Variants in CR1 observed in about 807,000 individuals in gnomAD.
CR1 encodes the protein complement receptor type 1.
CR1 carries 116 observed loss-of-function variants against 187.3 expected under a neutral mutation model. The observed-to-expected ratio is 0.62, with a 90% CI of 0.53 to 0.72. The LOEUF (loss-of-function observed/expected upper bound fraction) is 0.72, where lower values mean the gene tolerates loss of function less well. Among genes scored for constraint, CR1 ranks in the 30% least tolerant of loss-of-function variants. CR1 has a pLI of 0.00. For missense variants in CR1, 1,731 were observed against 2,110.7 expected (o/e 0.82, Z 3.52); for synonymous variants, 576 against 747.1 (o/e 0.77, Z 3.73).
chr1:207,620,503 C>A (rs1306568601), intron 43 of CR1, among the ~76,000 whole-genome samples: 1 of 152,164 alleles, frequency 6.6e-6, no homozygotes, highest in African/African-American at 2.4e-5. Flanking sequence ...AGAAGAGTAG[C>A]CCTCTGCTGG....
Position 207,580,513 on chromosome 1 carries a change from A to C in CR1, c.5116A>C (p.Lys1706Gln). ...WSPEAPRCAV[K>Q]SCDDFLGQLP... Reference sequence around the variant, plus strand: ...TTTTTTTTTTTTTCTTCTTCTAGTGAAATCCTGTGATGACTTCTTGGGTCA... The same window carrying C: ...TTTTTTTTTTTTTCTTCTTCTAGTGCAATCCTGTGATGACTTCTTGGGTCA... The change falls in exon 31 of 47, where the codon AAA becomes CAA. Residue 1706 changes from lysine to glutamine, a missense_variant and splice_region_variant. Physicochemically the swap from Lys to Gln is moderately conservative, Grantham distance 53. Transcript: ENST00000367049. The C allele has an allele frequency of 6.3e-7, 1 of 1,597,296 alleles. No homozygotes were observed. The highest frequency in any genetic ancestry group is 8.5e-7 in the Non-Finnish European group (1 of 1,175,316).
chr1:207,607,383 C>A, intron 36 of CR1, 47 bp downstream of exon 36: 1 of 1,412,348 alleles, frequency 7.1e-7, no homozygotes, highest in Non-Finnish European at 1.0e-6. Flanking sequence ...GTGATCCTGA[C>A]TTGCCCCTGG....
chr1:207,499,905 G>T (rs2102329696), intron 1 of CR1, among the ~76,000 whole-genome samples: 1 of 152,306 alleles, frequency 6.6e-6, no homozygotes, highest in South Asian at 2.1e-4. Context: ...ACACAGAAAT[G>T]CTGGGTGAAG....
At chr1:207,509,157 T>C (rs561178355) in intron 3 of CR1, among the ~76,000 whole-genome samples, 86 of 152,154 alleles carry the variant, frequency 5.7e-4, no homozygotes, top group Non-Finnish European at 1.0e-3. Flanking sequence ...AGAAGGAAAA[T>C]GGAAATGGGA....
chr1:207,588,844 G>C (rs1661187820), intron 35 of CR1, 70 bp downstream of exon 35: 2 of 1,072,798 alleles, frequency 1.9e-6, no homozygotes. Context: ...CCCAGTCTCA[G>C]ATAGACAAAC....
chr1:207,501,515 A>G (rs1025568914), intron 1 of CR1, among the ~76,000 whole-genome samples: 24 of 152,228 alleles, frequency 1.6e-4, no homozygotes, highest in Non-Finnish European at 3.4e-4. Flanking sequence ...TTGGTAATAA[A>G]GGAGAGAAAG....
chr1:207,517,230 T>C (rs772975276), intron 4 of CR1, among the ~76,000 whole-genome samples: 22 of 152,102 alleles, frequency 1.4e-4, no homozygotes, highest in Non-Finnish European at 2.6e-4. Context: ...AGAATAAACC[T>C]ATGTTGCTTG....
chr1:207,587,654 T>C lies in CR1; in HGVS notation c.5710+89T>C, dbSNP rs1661152878. The C allele has an allele frequency of 7.7e-6, 10 of 1,291,412 alleles. No homozygotes were observed. The South Asian group carries it at 9.6e-5, about 12-fold the overall frequency. The allele number at this position is 1,291,412 out of a possible 1,614,324, so 80.0% of individuals were successfully genotyped here. On this transcript the variant is annotated intron_variant, in intron 34 of 46. Coordinates refer to ENST00000367049, the MANE Select transcript of CR1 (RefSeq NM_000651.6). ...TGGCTCACGCCTGTAATCCCATCAC[T>C]TTGGGAGGCCAAGGCTGGCAGATAG...
intron 39 of CR1, among the ~76,000 whole-genome samples, chr1:207,612,865 A>G (rs934374083): frequency 1.3e-5 from 2 of 152,228 alleles, no homozygotes. Context: ...AGGGGTGCCC[A>G]TGACCCCAAA....
intron 1 of CR1, among the ~76,000 whole-genome samples, chr1:207,499,918 C>T (rs764271147): frequency 6.6e-6 from 1 of 152,056 alleles, no homozygotes; most frequent in Non-Finnish European, 1.5e-5. Flanking sequence ...GGGTGAAGAT[C>T]CCAGTAATAA....
Position 207,587,548 on chromosome 1 carries a change from T to C in CR1, c.5693T>C (p.Val1898Ala). ...SCLENLVWSS[V>A]EDNCRRKSCG... is the part of the protein sequence containing the mutation. ...CTAGAAAACTTGGTCTGGTCAAGTG[T>C]TGAAGACAACTGTAGACGTGAGTAA... The change falls in exon 34 of 47, where the codon GTT becomes GCT. Residue 1898 changes from valine (V) to alanine (A), a missense_variant. Physicochemically the swap from Val to Ala is moderately conservative, Grantham distance 64 (BLOSUM62 0). Around this residue, in one of 5 missense-constraint regions of CR1, gnomAD observed 1,312 missense variants for 1,379.6 expected, o/e 0.95. Transcript: ENST00000367049. 6.2e-7 allele frequency: 1 copy of C among 1,613,776 alleles called. No homozygotes were observed. The highest frequency in any genetic ancestry group is 8.5e-7 in the Non-Finnish European group (1 of 1,179,722).
chr1:207,580,464 G>A, intron 30 of CR1, 47 bp from the exon 31 acceptor site: 3 of 1,605,516 alleles, frequency 1.9e-6, no homozygotes, highest in South Asian at 2.2e-5. Context: ...CCCCACACAT[G>A]GAGGTCTTAC....
chr1:207,576,437 G>A (rs1467230824), intron 28 of CR1, among the ~76,000 whole-genome samples: 1 of 152,158 alleles, frequency 6.6e-6, no homozygotes, highest in African/African-American at 2.4e-5. Context: ...GAATCTGTAA[G>A]TATCATGTTT....
chr1:207,619,239 C>T (rs1366256868), intron 42 of CR1, among the ~76,000 whole-genome samples: 1 of 150,946 alleles, frequency 6.6e-6, no homozygotes, highest in Non-Finnish European at 1.5e-5. Flanking sequence ...AAAAATTAAT[C>T]AGGCATGGTG....
At position 207,564,173 on chromosome 1, in the gene CR1, C is replaced by G; in HGVS notation, c.3805C>G (p.Arg1269Gly). Reference protein sequence around the residue: ...DDFMGQLLNGRVLFPVNLQLG... With the variant: ...DDFMGQLLNGGVLFPVNLQLG... Reference sequence around the variant, plus strand: ...CTTCATGGGCCAACTTCTTAATGGCCGTGTGCTATTTCCAGTAAATCTCCA... The same window carrying G: ...CTTCATGGGCCAACTTCTTAATGGCGGTGTGCTATTTCCAGTAAATCTCCA... The change falls in exon 23 of 47, where the codon CGT (arginine) becomes GGT (glycine). Residue 1269 changes from arginine to glycine, a missense_variant. Physicochemically the swap from Arg to Gly is moderately radical, Grantham distance 125. Transcript: ENST00000367049. 1 of 1,586,124 alleles carries G rather than the reference C, an allele frequency of 6.3e-7. No individual in the cohort carries two copies. Among genetic ancestry groups the G allele is most frequent in the Non-Finnish European group, 8.5e-7 (1 of 1,171,130 alleles).
intron 45 of CR1, 70 bp from the exon 46 acceptor site, chr1:207,630,447 T>G (rs933148634): frequency 9.9e-7 from 1 of 1,013,034 alleles, no homozygotes; most frequent in Non-Finnish European, 1.4e-6. Flanking sequence ...AAATGCAAAT[T>G]ACTAATTTCT....
intron 4 of CR1, among the ~76,000 whole-genome samples, chr1:207,513,595 A>G (rs932987822): frequency 1.3e-5 from 2 of 152,242 alleles, no homozygotes; most frequent in African/African-American, 4.8e-5. Flanking sequence ...ACCCTAGTCC[A>G]GAACCGTACA....
At chr1:207,513,901 G>A (rs1659706035) in intron 4 of CR1, among the ~76,000 whole-genome samples, 1 of 151,508 alleles carries the variant, frequency 6.6e-6, no homozygotes, top group Non-Finnish European at 1.5e-5. Context: ...TCCTTGTCTT[G>A]TTCCACATCT....
chr1:207,585,786 C>CAGAT (rs1157373642), intron 33 of CR1, among the ~76,000 whole-genome samples: 2 of 152,066 alleles, frequency 1.3e-5, no homozygotes, highest in African/African-American at 4.8e-5. Context: ...GCTTAATGAA[C>CAGAT]AGATGGAGGA....
Sources: allele counts gnomAD v4.1 joint callset (sites outside exome capture counted in the v4.1 genomes callset), GRCh38; gene constraint gnomAD v4.1.1; regional missense constraint gnomAD v4.1.1; transcripts MANE v1.5; gene names NCBI Gene and HGNC (gene_info 2026-07-23, HGNC 2026-07-21).